TRMT11: variants seen among roughly 807,000 people sequenced by gnomAD.
The protein encoded by TRMT11 is tRNA (guanine(10)-N(2))-methyltransferase TRMT11.
In TRMT11, 53 loss-of-function variants were observed where a neutral mutation model predicts 62.8. The ratio of observed to expected loss-of-function variants is 0.84; its 90% CI spans 0.68 to 1.06. The LOEUF (loss-of-function observed/expected upper bound fraction) is 1.06. TRMT11 is among the 50% of genes least tolerant of loss of function. The probability of loss-of-function intolerance (pLI) is 0.00; values close to 1 mark genes in which losing one functional copy is unlikely to be tolerated. For synonymous variants in TRMT11, 188 were observed against 190.3 expected (o/e 0.99, Z 0.10); for missense variants, 556 against 553.4 (o/e 1.00, Z -0.05).
At chr6:125,994,225 A>C (rs1485115135) in intron 2 of TRMT11, among the ~76,000 whole-genome samples, 1 of 152,168 alleles carries the variant, frequency 6.6e-6, no homozygotes, top group African/African-American at 2.4e-5. Context: ...AAACTATATC[A>C]GTGTTTGACA....
chr6:126,037,173 G>T (rs1775346060), intron 12 of TRMT11, among the ~76,000 whole-genome samples: 1 of 151,740 alleles, frequency 6.6e-6, no homozygotes, highest in Admixed American at 6.6e-5. Context: ...TGTAATTAAG[G>T]GTGCAGTCTT....
At chr6:126,183,077 C>T (rs76877644) in intron 1 of TRMT11, among the ~76,000 whole-genome samples, 314 of 152,168 alleles carry the variant, frequency 2.1e-3, no homozygotes, top group South Asian at 9.8e-3. Context: ...CTGCAGGCTT[C>T]GTAGACTGAT....
At position 126,046,590 on chromosome 6, in the gene TRMT11, T is replaced by A. The variant is rs375518960; in HGVS notation, c.*1369+5745T>A. On this transcript the variant is annotated intron_variant and NMD_transcript_variant, in intron 16 of 22. Coordinates refer to the TRMT11 transcript ENST00000648977. The stretch of plus-strand genomic sequence containing the variant: ...AGGACTCAGCCACCACATGTACCCA[T>A]CTGAATATGCTGGGGGACTTTATAG... Among the ~76,000 whole-genome samples, 89 of 152,234 alleles carry A rather than the reference T, an allele frequency of 5.8e-4. 1 individual carries two copies. Among genetic ancestry groups the A allele is most frequent in the African/African-American group, 2.1e-3 (86 of 41,546 alleles).
intron 1 of TRMT11, among the ~76,000 whole-genome samples, chr6:125,993,525 T>C (rs1039007754): frequency 1.3e-5 from 2 of 152,210 alleles, no homozygotes; most frequent in Non-Finnish European, 2.9e-5. Context: ...TTTGATCAAG[T>C]GTTTGCTAAC....
intron 1 of TRMT11, among the ~76,000 whole-genome samples, chr6:126,197,613 A>G (rs1382834363): frequency 6.6e-6 from 1 of 152,144 alleles, no homozygotes; most frequent in Non-Finnish European, 1.5e-5. Context: ...TTTTATTTTC[A>G]CTACGTATTA....
intron 16 of TRMT11, among the ~76,000 whole-genome samples, chr6:126,049,384 A>T (rs1174601167): frequency 2.6e-5 from 4 of 152,254 alleles, no homozygotes; most frequent in Non-Finnish European, 5.9e-5. Flanking sequence ...ATGTTGAAGC[A>T]GGCAAATAAA....
At chr6:126,155,566 C>G (rs375807668) in intron 21 of TRMT11, among the ~76,000 whole-genome samples, 1 of 152,188 alleles carries the variant, frequency 6.6e-6, no homozygotes, top group African/African-American at 2.4e-5. Context: ...CATCTTCCAC[C>G]TATGAGCCTG....
chr6:126,168,804 A>G (rs1270757939), intron 21 of TRMT11, among the ~76,000 whole-genome samples: 1 of 152,214 alleles, frequency 6.6e-6, no homozygotes, highest in Non-Finnish European at 1.5e-5. Flanking sequence ...GGTGCGAGCC[A>G]CCATGCCCTG....
chr6:126,167,488 T>G (rs1583896531), intron 21 of TRMT11, among the ~76,000 whole-genome samples: 1 of 152,164 alleles, frequency 6.6e-6, no homozygotes, highest in Non-Finnish European at 1.5e-5. Context: ...GTACCTCAAT[T>G]GGAAATGCAG....
At chr6:126,010,416 A>G (rs756821112) in intron 8 of TRMT11, among the ~76,000 whole-genome samples, 11 of 151,984 alleles carry the variant, frequency 7.2e-5, no homozygotes, top group Non-Finnish European at 1.2e-4. Flanking sequence ...GTCACACTGC[A>G]TGTTTTTCAG....
chr6:126,138,387 T>A (rs1384899179), intron 21 of TRMT11, among the ~76,000 whole-genome samples: 1 of 152,026 alleles, frequency 6.6e-6, no homozygotes, highest in Non-Finnish European at 1.5e-5. Context: ...AATTTTGTCA[T>A]GCAATATTAA....
the TRMT11 span, among the ~76,000 whole-genome samples, chr6:126,264,587 C>T: frequency 6.6e-6 from 1 of 152,182 alleles, no homozygotes; most frequent in African/African-American, 2.4e-5. Context: ...GTGAAATTCA[C>T]TTTTAAATCA....
chr6:126,097,648 T>C (rs1208896221), intron 17 of TRMT11, among the ~76,000 whole-genome samples: 3 of 152,110 alleles, frequency 2.0e-5, no homozygotes, highest in Non-Finnish European at 4.4e-5. Context: ...TCTCAAACTG[T>C]TTAATCAATT....
chr6:126,078,398 G>GT (rs36060578), intron 17 of TRMT11, among the ~76,000 whole-genome samples: 8,614 of 141,272 alleles, frequency 0.061, 263 homozygotes, highest in Non-Finnish European at 0.077. Flanking sequence ...TATTAGAAAG[G>GT]TTTTTTTTTT....
intron 21 of TRMT11, among the ~76,000 whole-genome samples, chr6:126,123,790 T>C (rs1025340620): frequency 6.6e-6 from 1 of 152,102 alleles, no homozygotes; most frequent in Non-Finnish European, 1.5e-5. Context: ...TTTCTTCTTG[T>C]ATAATACCTA....
chr6:126,110,660 C>A (rs1314397092), intron 17 of TRMT11, among the ~76,000 whole-genome samples: 2 of 152,006 alleles, frequency 1.3e-5, no homozygotes, highest in Non-Finnish European at 2.9e-5. Flanking sequence ...GTAACAGAAA[C>A]CATAGAAACA....
At chr6:126,262,168 T>C in the TRMT11 span, among the ~76,000 whole-genome samples, 1 of 152,106 alleles carries the variant, frequency 6.6e-6, no homozygotes. Flanking sequence ...AGGCCAAGAA[T>C]GGATTCAGTG....
intron 16 of TRMT11, among the ~76,000 whole-genome samples, chr6:126,049,306 AC>A (rs1484296795): frequency 6.6e-6 from 1 of 152,220 alleles, no homozygotes; most frequent in African/African-American, 2.4e-5. Flanking sequence ...ATTTTCCAAA[AC>A]CAGCACCTGA....
chr6:125,996,047 GA>G lies in TRMT11; in HGVS notation c.212+10del. On this transcript the variant is annotated splice_region_variant and intron_variant, in intron 3 of 12. Coordinates refer to ENST00000334379, the MANE Select transcript of TRMT11 (RefSeq NM_001031712.3). ...AACGGACAGTGTGTGCCAAGTAAGA[GA>G]AACTTATGTTCTCCTGCATGAATAT... The G allele has an allele frequency of 6.3e-7, 1 of 1,586,394 alleles. No individual in the cohort carries two copies. Among genetic ancestry groups the G allele is most frequent in the Non-Finnish European group, 8.7e-7 (1 of 1,154,900 alleles).
Sources: allele counts gnomAD v4.1 joint callset (sites outside exome capture counted in the v4.1 genomes callset), GRCh38; gene constraint gnomAD v4.1.1; transcripts MANE v1.5; gene names NCBI Gene and HGNC (gene_info 2026-07-23, HGNC 2026-07-21).